BCLAF1: variants seen among roughly 807,000 people sequenced by gnomAD.
BCLAF1 encodes bcl-2-associated transcription factor 1.
A neutral mutation model predicts 99.5 loss-of-function variants in BCLAF1; 10 were observed. That is an observed-to-expected ratio of 0.10 (90% CI 0.06 to 0.17). BCLAF1 has a LOEUF of 0.17. Ranked by LOEUF, BCLAF1 falls within the 10% of genes least tolerant of loss-of-function variation. The pLI, the probability that BCLAF1 is intolerant of heterozygous loss-of-function variation, is 1.00. For synonymous variants in BCLAF1, 255 were observed against 370.9 expected (o/e 0.69, Z 3.59); for missense variants, 636 against 1,105.8 (o/e 0.58, Z 6.02).
chr6:136,274,149 T>C (rs1782924183), intron 6 of BCLAF1: 6 of 1,288,938 alleles, frequency 4.7e-6, no homozygotes, highest in Non-Finnish European at 6.1e-6. Context: ...CTATTTTACT[T>C]TGAAACATGG....
rs35141116 is a variant in BCLAF1 at position 136,257,261 on chromosome 6, G to GATTT, written c.*3848_*3849insAAAT. 6.6e-6 allele frequency: 1 copy of GATTT among 152,106 alleles called. No individual in the cohort carries two copies. Among genetic ancestry groups the GATTT allele is most frequent in the Non-Finnish European group, 1.5e-5 (1 of 68,010 alleles). The allele number at this position is 152,106 out of a possible 1,614,324, so 9.4% of individuals were successfully genotyped here. A position where few individuals can be genotyped will look rare whatever the true frequency, so the allele number is the denominator to read the frequency against. On this transcript the variant is annotated 3_prime_UTR_variant, in exon 13 of 13. Transcript: ENST00000531224. The stretch of plus-strand genomic sequence containing the variant: ...AGATTACAATTAAGACACATTATTT[G>GATTT]AATGTTTCTAGTTGTGGTGGAATGC...
chr6:136,256,681 A>AAATAAATG lies in BCLAF1; in HGVS notation c.*4428_*4429insCATTTATT, dbSNP rs1459123950. 1 of 152,984 alleles carries AAATAAATG rather than the reference A, an allele frequency of 6.5e-6. No individual in the cohort carries two copies. The highest frequency in any genetic ancestry group is 1.8e-4 in the East Asian group (1 of 5,494). 9.5% of individuals were successfully genotyped at this position (152,984 alleles called of 1,614,324 possible). On this transcript the variant is annotated 3_prime_UTR_variant, in exon 13 of 13. Transcript: ENST00000531224. ...TAAGACTCCATCTCAATAAATAAATAAATAAATAAATAAATAAATAAATAA... is the reference window on the plus strand; with the variant it reads ...TAAGACTCCATCTCAATAAATAAATAAATAAATGAATAAATAAATAAATAAATAAATAA...
Position 136,276,411 on chromosome 6 carries a change from C to T in BCLAF1, c.1114G>A (p.Glu372Lys), listed in dbSNP as rs759254105. Residue 372 changes from glutamate to lysine, a missense_variant, in exon 5 of 13, where the codon GAG (glutamate) becomes AAG (lysine). By Grantham distance (56) the Glu-to-Lys change is moderately conservative. Transcript: ENST00000531224. ...GCTTCCTGATCTTCCCATTCTCCCT[C>T]TGCCCTCCCTTTCTCTGATCCTTTC... ...KEKGSEKGRA[E>K]GEWEDQEALD... 6.4e-7 allele frequency: 1 copy of T among 1,564,284 alleles called. No homozygotes were observed. Among genetic ancestry groups the T allele is most frequent in the Non-Finnish European group, 8.6e-7 (1 of 1,163,362 alleles).
chr6:136,277,837 A>G, intron 4 of BCLAF1, 28 bp downstream of exon 4: 1 of 1,587,616 alleles, frequency 6.3e-7, no homozygotes, highest in Non-Finnish European at 8.6e-7. Flanking sequence ...ACAATATTAT[A>G]ATCTAGATTC....
At position 136,273,064 on chromosome 6, in the gene BCLAF1, G is replaced by A. The variant is rs369705189; in HGVS notation, c.1958+18C>T. 3.2e-6 allele frequency: 5 copies of A among 1,579,730 alleles called. No individual in the cohort carries two copies. The highest frequency in any genetic ancestry group is 4.3e-6 in the Non-Finnish European group (5 of 1,158,504). On this transcript the variant is annotated intron_variant, in intron 7 of 12. Coordinates refer to ENST00000531224, the MANE Select transcript of BCLAF1 (RefSeq NM_014739.3). ...ATCAAAACAACGTTTTTATATGCCA[G>A]TTCAGCAGGATACATACCTGTGTAT...
At chr6:136,275,157 A>G (rs1386042588) in intron 6 of BCLAF1, among the ~76,000 whole-genome samples, 7 of 152,128 alleles carry the variant, frequency 4.6e-5, no homozygotes, top group Admixed American at 4.6e-4. Context: ...TTATAAATCT[A>G]TGCCAAGATT....
At chr6:136,274,592 G>A (rs1030108966) in intron 6 of BCLAF1, among the ~76,000 whole-genome samples, 2 of 151,924 alleles carry the variant, frequency 1.3e-5, no homozygotes, top group Non-Finnish European at 2.9e-5. Context: ...AGAACTGCTA[G>A]AGGCAAGTTT....
chr6:136,271,102 G>A (rs1052602120), intron 8 of BCLAF1, among the ~76,000 whole-genome samples: 15 of 151,582 alleles, frequency 9.9e-5, no homozygotes, highest in Non-Finnish European at 1.6e-4. Context: ...AGTAACAAAC[G>A]TGCCTATTTT....
chr6:136,280,654 T>C (rs1784266341), intron 2 of BCLAF1, among the ~76,000 whole-genome samples: 1 of 152,212 alleles, frequency 6.6e-6, no homozygotes, highest in Admixed American at 6.5e-5. Context: ...AAACACTACA[T>C]GGTATCCAAT....
intron 3 of BCLAF1, among the ~76,000 whole-genome samples, chr6:136,279,023 A>G (rs2128485017): frequency 6.6e-6 from 1 of 151,226 alleles, no homozygotes; most frequent in Non-Finnish European, 1.5e-5. Context: ...ACACACACAC[A>G]CACGCATGTG....
intron 6 of BCLAF1, among the ~76,000 whole-genome samples, chr6:136,273,788 C>G (rs141293508): frequency 6.6e-6 from 1 of 151,994 alleles, no homozygotes; most frequent in African/African-American, 2.4e-5. Context: ...GCTGTTTTGT[C>G]TCTCTTTAAA....
chr6:136,277,723 T>C (rs1182846270), intron 4 of BCLAF1, 142 bp downstream of exon 4: 1 of 1,122,460 alleles, frequency 8.9e-7, no homozygotes, highest in African/African-American at 1.6e-5. Flanking sequence ...GTAAAAACAA[T>C]TTGGAATTAT....
In BCLAF1 at chr6:136,269,015, T is replaced by C. The variant is rs139754341; in HGVS notation, c.2219+422A>G. Reference sequence around the variant, plus strand: ...TTGAAAGACTAATACACATTGCTATTTCTAGTCCTTCCTCCCCCCCATCTC... The same window carrying C: ...TTGAAAGACTAATACACATTGCTATCTCTAGTCCTTCCTCCCCCCCATCTC... On this transcript the variant is annotated intron_variant, in intron 9 of 12. Coordinates refer to ENST00000531224, the MANE Select transcript of BCLAF1 (RefSeq NM_014739.3). 2.5e-5 allele frequency: 17 copies of C among 674,480 alleles called. No individual in the cohort carries two copies. In the East Asian group the frequency reaches 1.5e-3, roughly 61 times the overall value. 41.8% of individuals were successfully genotyped at this position (674,480 alleles called of 1,614,324 possible).
In BCLAF1 at chr6:136,276,239, C is replaced by T. The variant is rs369285091; in HGVS notation, c.1286G>A (p.Arg429Gln). The change falls in exon 5 of 13, where the codon CGG becomes CAG. Residue 429 changes from arginine to glutamine, a missense_variant. Transcript: ENST00000531224. ...CTTGAGTCCTTCCTCCTCAGTATTCCGGTGAGATGCAGTAGCAAAACTTTT... is the reference window on the plus strand; with the variant it reads ...CTTGAGTCCTTCCTCCTCAGTATTCTGGTGAGATGCAGTAGCAAAACTTTT... The part of the protein sequence containing the change: ...QGKSFATASH[R>Q]NTEEEGLKYK... 4.4e-6 allele frequency: 7 copies of T among 1,605,742 alleles called. No homozygotes were observed. Among genetic ancestry groups the T allele is most frequent in the Admixed American group, 3.4e-5 (2 of 58,522 alleles).
At chr6:136,280,512 G>A (rs940337286) in intron 2 of BCLAF1, among the ~76,000 whole-genome samples, 1 of 151,988 alleles carries the variant, frequency 6.6e-6, no homozygotes, top group Admixed American at 6.6e-5. Context: ...ACAATGCCTA[G>A]TTCACCCTGA....
At chr6:136,270,669 T>C (rs1488506085) in intron 8 of BCLAF1, among the ~76,000 whole-genome samples, 2 of 151,842 alleles carry the variant, frequency 1.3e-5, no homozygotes, top group Non-Finnish European at 2.9e-5. Flanking sequence ...ACTTTGTAAA[T>C]TACAAACGAT....
At chr6:136,281,421 G>A (rs1784370159) in intron 2 of BCLAF1, among the ~76,000 whole-genome samples, 2 of 152,178 alleles carry the variant, frequency 1.3e-5, no homozygotes, top group Admixed American at 1.3e-4. Flanking sequence ...GTAAAGGAAG[G>A]AATCTTGGCC....
rs183351711 is a variant in BCLAF1, at chr6:136,257,166, A to C, written c.*3944T>G. 2.6e-5 allele frequency: 4 copies of C among 152,232 alleles called. No individual in the cohort carries two copies. Among genetic ancestry groups the C allele is most frequent in the Non-Finnish European group, 4.4e-5 (3 of 68,030 alleles). The allele number at this position is 152,232 out of a possible 1,614,324, so 9.4% of individuals were successfully genotyped here. A position where few individuals can be genotyped will look rare whatever the true frequency, so the allele number is the denominator to read the frequency against. ...TCAAGAATATTACCTTCTGCACTTC[A>C]TAAGTGCTACAAATCAGTTCACTGT... On this transcript the variant is annotated 3_prime_UTR_variant, in exon 13 of 13. Coordinates refer to ENST00000531224, the MANE Select transcript of BCLAF1 (RefSeq NM_014739.3).
At position 136,258,899 on chromosome 6, in the gene BCLAF1, C is replaced by T. The variant is rs1780651231; in HGVS notation, c.*2211G>A. On this transcript the variant is annotated 3_prime_UTR_variant, in exon 13 of 13. Coordinates refer to ENST00000531224, the MANE Select transcript of BCLAF1 (RefSeq NM_014739.3). ...TTTCTTAATCCTTTCTGGAAATATCCTTTGGTTCATTTTTATTGCCCCTCT... is the reference window on the plus strand; with the variant it reads ...TTTCTTAATCCTTTCTGGAAATATCTTTTGGTTCATTTTTATTGCCCCTCT... 6.6e-6 allele frequency: 1 copy of T among 152,384 alleles called. No homozygotes were observed. The highest frequency in any genetic ancestry group is 1.5e-5 in the Non-Finnish European group (1 of 67,882). 9.4% of individuals were successfully genotyped at this position (152,384 alleles called of 1,614,324 possible). A position where few individuals can be genotyped will look rare whatever the true frequency, so the allele number is the denominator to read the frequency against.
Sources: gnomAD v4.1 joint callset for allele counts (sites outside exome capture counted in the v4.1 genomes callset) on GRCh38, gnomAD v4.1.1 for gene constraint, MANE v1.5 for transcripts, NCBI Gene and HGNC (gene_info 2026-07-23, HGNC 2026-07-21) for gene names.